The following WFDC8 variants were observed in gnomAD, a reference collection of about 807,000 sequenced individuals.
WFDC8 encodes the protein WAP four-disulfide core domain protein 8.
WFDC8 carries 24 observed loss-of-function variants against 27.0 expected under a neutral mutation model. The ratio of observed to expected loss-of-function variants is 0.89; its 90% confidence interval spans 0.64 to 1.25. The LOEUF is 1.25. Ranked by LOEUF, WFDC8 falls within the 50% of genes most tolerant of loss-of-function variation. The pLI, the probability that WFDC8 is intolerant of heterozygous loss-of-function variation, is 0.00. For missense variants in WFDC8, 287 were observed against 295.9 expected (o/e 0.97, Z 0.22); for synonymous variants, 106 against 99.7 (o/e 1.06, Z -0.38).
chr20:45,566,121 G>A (rs4812913), intron 1 of WFDC8, among the ~76,000 whole-genome samples: 58,211 of 151,656 alleles, frequency 0.38, 11,582 homozygotes, highest in Non-Finnish European at 0.43. Flanking sequence ...ATTATTAATC[G>A]TTTGGTAGAT....
At chr20:45,579,096 C>T (rs1981145883) in intron 1 of WFDC8, 126 bp downstream of exon 1, 10 of 868,122 alleles carry the variant, frequency 1.2e-5, no homozygotes, top group Non-Finnish European at 1.9e-5. Flanking sequence ...TTCTGTGGAA[C>T]CCCTCCTCAC....
chr20:45,554,263 A>T, intron 4 of WFDC8, among the ~76,000 whole-genome samples: 1 of 152,082 alleles, frequency 6.6e-6, no homozygotes, highest in Non-Finnish European at 1.5e-5. Context: ...CCTGGGCTCA[A>T]GTGATCCTCT....
intron 1 of WFDC8, among the ~76,000 whole-genome samples, chr20:45,566,015 T>C (rs574436694): frequency 6.6e-6 from 1 of 152,336 alleles, no homozygotes; most frequent in East Asian, 1.9e-4. Flanking sequence ...CTTTCCTATA[T>C]TTTGAAACCA....
rs113707730 is a variant in WFDC8 at position 45,576,251 on chromosome 20, T to C, written c.26+2971A>G. On this transcript the variant is annotated intron_variant, in intron 1 of 5. Transcript: ENST00000289953. ...CTCAATACAGCCATAGATTTCTCAA[T>C]TTATGCCTATAATGATGTCAATGTT... is the stretch of plus-strand genomic sequence containing the variant. Among the ~76,000 whole-genome samples the C allele has an allele frequency of 6.9e-3, 1,042 of 151,534 alleles. 50 individuals are homozygous for C. The highest frequency in any genetic ancestry group is 0.01 in the Non-Finnish European group (684 of 67,666).
intron 1 of WFDC8, among the ~76,000 whole-genome samples, chr20:45,574,553 G>A (rs997342574): frequency 1.3e-5 from 2 of 152,156 alleles, no homozygotes; most frequent in African/African-American, 4.8e-5. Context: ...CCAGCAATTT[G>A]GGAGGCCAAG....
intron 1 of WFDC8, among the ~76,000 whole-genome samples, chr20:45,578,967 C>T (rs562450760): frequency 6.6e-5 from 10 of 151,918 alleles, no homozygotes; most frequent in East Asian, 1.9e-4. Flanking sequence ...CTTAGCCGAG[C>T]GTGGTGGCGC....
chr20:45,572,396 CAAAAAAAAAAA>C (rs768958375), intron 1 of WFDC8, among the ~76,000 whole-genome samples: 1 of 49,424 alleles, frequency 2.0e-5, no homozygotes, highest in Non-Finnish European at 4.4e-5. Flanking sequence ...GAATCCATCT[CAAAAAAAAAAA>C]AAAAAAAAAA....
intron 1 of WFDC8, among the ~76,000 whole-genome samples, chr20:45,562,604 C>T (rs1980513933): frequency 6.6e-6 from 1 of 152,222 alleles, no homozygotes; most frequent in South Asian, 2.1e-4. Context: ...CTTTTCTTTG[C>T]TCCACTGATG....
At chr20:45,566,983 A>G (rs1794916651) in intron 1 of WFDC8, among the ~76,000 whole-genome samples, 1 of 152,212 alleles carries the variant, frequency 6.6e-6, no homozygotes, top group Non-Finnish European at 1.5e-5. Flanking sequence ...ACCATTATAA[A>G]TGCTATGCAA....
Position 45,571,329 on chromosome 20 carries a change from T to G in WFDC8, c.26+7893A>C, listed in dbSNP as rs544240697. Among the ~76,000 whole-genome samples, 13 of 152,282 alleles carry G rather than the reference T, an allele frequency of 8.5e-5. 1 individual carries two copies. Among genetic ancestry groups the G allele is most frequent in the Admixed American group, 8.5e-4 (13 of 15,292 alleles). On this transcript the variant is annotated intron_variant, in intron 1 of 5. Coordinates refer to ENST00000289953, the MANE Select transcript of WFDC8 (RefSeq NM_130896.3). ...GAGACATACCTCTTTCATCACTGCT[T>G]TCATTGCACTTTAAGAAATTTATTT...
intron 1 of WFDC8, chr20:45,568,238 G>T: frequency 8.2e-6 from 2 of 245,004 alleles, no homozygotes; most frequent in East Asian, 1.8e-4. Flanking sequence ...GATGGCTCAA[G>T]GGTATCTTTG....
chr20:45,554,984 A>T (rs6032301), intron 4 of WFDC8, among the ~76,000 whole-genome samples: 58,302 of 151,976 alleles, frequency 0.38, 11,654 homozygotes, highest in Non-Finnish European at 0.43. Context: ...CACCATCTCA[A>T]TTGTTACCGT....
intron 5 of WFDC8, 123 bp from the exon 6 acceptor site, chr20:45,552,288 T>G (rs1473448248): frequency 8.4e-7 from 1 of 1,185,544 alleles, no homozygotes; most frequent in Non-Finnish European, 1.2e-6. Context: ...CCTTTCCCCC[T>G]ACAGTAACAA....
intron 3 of WFDC8, among the ~76,000 whole-genome samples, chr20:45,556,609 T>C (rs1980263942): frequency 1.3e-5 from 2 of 152,208 alleles, no homozygotes; most frequent in South Asian, 4.1e-4. Context: ...AAGTTGATCC[T>C]CTTATAACTA....
intron 1 of WFDC8, among the ~76,000 whole-genome samples, chr20:45,564,190 C>G (rs892520134): frequency 1.3e-5 from 2 of 152,138 alleles, no homozygotes; most frequent in Non-Finnish European, 2.9e-5. Flanking sequence ...AGTGGGGGCT[C>G]TGAAGAACTA....
chr20:45,577,499 A>C (rs1981084690), intron 1 of WFDC8, among the ~76,000 whole-genome samples: 1 of 150,058 alleles, frequency 6.7e-6, no homozygotes, highest in Non-Finnish European at 1.5e-5. Context: ...TCTGGGTTCA[A>C]GTGATTCTCC....
At chr20:45,555,891 G>C (rs896649603) in intron 3 of WFDC8, 23 bp from the exon 4 acceptor site, 9 of 1,609,046 alleles carry the variant, frequency 5.6e-6, no homozygotes, top group Non-Finnish European at 7.7e-6. Context: ...AGCAAGGAAA[G>C]AAGGATATGA....
chr20:45,571,146 T>G (rs997118810), intron 1 of WFDC8, among the ~76,000 whole-genome samples: 7 of 152,204 alleles, frequency 4.6e-5, no homozygotes, highest in African/African-American at 1.7e-4. Context: ...AGTTTAATAT[T>G]ATTCCTTTTT....
At chr20:45,554,590 G>A (rs1980170645) in intron 4 of WFDC8, among the ~76,000 whole-genome samples, 1 of 152,190 alleles carries the variant, frequency 6.6e-6, no homozygotes, top group African/African-American at 2.4e-5. Flanking sequence ...GGTTGCCTCT[G>A]AGTCTTAACC....
Sources: allele counts gnomAD v4.1 joint callset (sites outside exome capture counted in the v4.1 genomes callset), GRCh38; gene constraint gnomAD v4.1.1; transcripts MANE v1.5; gene names NCBI Gene and HGNC (gene_info 2026-07-23, HGNC 2026-07-21).